The following MYZAP variants were observed in gnomAD, a reference collection of about 807,000 sequenced individuals.
MYZAP encodes the protein myocardial zonula adherens protein.
MYZAP carries 66 observed loss-of-function variants against 69.4 expected under a neutral mutation model. That is an observed-to-expected ratio of 0.95 (90% CI 0.78 to 1.17). The LOEUF (loss-of-function observed/expected upper bound fraction) is 1.17, where lower values mean the gene tolerates loss of function less well. Ranked by LOEUF, MYZAP falls within the 50% of genes most tolerant of loss-of-function variation. The probability of loss-of-function intolerance (pLI) is 0.00; values close to 1 mark genes in which losing one functional copy is unlikely to be tolerated. For synonymous variants in MYZAP, 256 were observed against 205.9 expected (o/e 1.24, Z -2.09); for missense variants, 611 against 556.2 (o/e 1.10, Z -0.99).
intron 2 of MYZAP, among the ~76,000 whole-genome samples, chr15:57,611,019 A>G (rs969711345): frequency 6.6e-6 from 1 of 152,166 alleles, no homozygotes; most frequent in Non-Finnish European, 1.5e-5. Context: ...TCAGATAGAC[A>G]TGTAGAGTTG....
intron 11 of MYZAP, among the ~76,000 whole-genome samples, chr15:57,664,159 C>G (rs756009428): frequency 6.6e-6 from 1 of 151,358 alleles, no homozygotes; most frequent in Non-Finnish European, 1.5e-5. Flanking sequence ...ACCTTTCAGA[C>G]AGGTGCAGTC....
chr15:57,597,745 A>G (rs1305034324), intron 1 of MYZAP, among the ~76,000 whole-genome samples: 2 of 152,216 alleles, frequency 1.3e-5, no homozygotes, highest in Non-Finnish European at 2.9e-5. Flanking sequence ...CTCTACAGAA[A>G]AAGTTCGCCC....
At chr15:57,619,684 C>T (rs902731278) in intron 3 of MYZAP, among the ~76,000 whole-genome samples, 2 of 152,184 alleles carry the variant, frequency 1.3e-5, no homozygotes, top group African/African-American at 4.8e-5. Flanking sequence ...TCAGAATATT[C>T]AATTCCTGAA....
rs1310439300 is a variant in MYZAP at position 57,681,000 on chromosome 15, C to G, written c.1305-3402C>G. Among the ~76,000 whole-genome samples, 8 of 152,170 alleles carry G rather than the reference C, an allele frequency of 5.3e-5. No homozygotes were observed. In the East Asian group the frequency reaches 1.5e-3, roughly 29 times the overall value. ...TTTTGTGGTTGAGGTTATTTGTGTT[C>G]TTGAAATCCTGTTGTTTCCTAGTGA... is the stretch of plus-strand genomic sequence containing the variant. On this transcript the variant is annotated intron_variant, in intron 12 of 12. Coordinates refer to ENST00000267853, the MANE Select transcript of MYZAP (RefSeq NM_001018100.5).
chr15:57,670,725 A>G (rs897410781), intron 11 of MYZAP, among the ~76,000 whole-genome samples: 11 of 152,126 alleles, frequency 7.2e-5, no homozygotes, highest in South Asian at 2.1e-4. Flanking sequence ...TTTTAAAAAT[A>G]CCATTTTAAG....
At chr15:57,594,678 C>T (rs188620455) in intron 1 of MYZAP, among the ~76,000 whole-genome samples, 317 of 152,208 alleles carry the variant, frequency 2.1e-3, no homozygotes, top group Middle Eastern at 0.017. Context: ...GATTACGCAA[C>T]GACAAAAATC....
chr15:57,626,328 T>C (rs576547926), intron 5 of MYZAP, among the ~76,000 whole-genome samples: 25 of 152,336 alleles, frequency 1.6e-4, no homozygotes, highest in African/African-American at 5.3e-4. Flanking sequence ...TAAACACTTT[T>C]TTATAATTAG....
intron 4 of MYZAP, among the ~76,000 whole-genome samples, chr15:57,624,485 C>T (rs1420292191): frequency 6.6e-6 from 1 of 152,196 alleles, no homozygotes; most frequent in Non-Finnish European, 1.5e-5. Context: ...CATATCTACC[C>T]AGCCCATTCC....
intron 10 of MYZAP, among the ~76,000 whole-genome samples, chr15:57,649,341 C>T (rs1395101539): frequency 3.3e-5 from 5 of 152,172 alleles, no homozygotes; most frequent in South Asian, 2.1e-4. Flanking sequence ...GCAGATTTTC[C>T]AAATGCTCAT....
chr15:57,670,821 C>G (rs1158326184), intron 11 of MYZAP, among the ~76,000 whole-genome samples: 1 of 151,862 alleles, frequency 6.6e-6, no homozygotes, highest in African/African-American at 2.4e-5. Context: ...ATTAGCTGTT[C>G]ACTGTGCACC....
At chr15:57,665,487 C>G (rs1165881497) in intron 11 of MYZAP, among the ~76,000 whole-genome samples, 2 of 152,242 alleles carry the variant, frequency 1.3e-5, no homozygotes, top group African/African-American at 4.8e-5. Context: ...CTGTGCTCCT[C>G]TTAGCCACAG....
In MYZAP at chr15:57,683,528, C is replaced by A. The variant is rs1432989350; in HGVS notation, c.1305-874C>A. Reference sequence around the variant, plus strand: ...TTCATATTTTTCTGAACCATGGATGCCTAGTACAACCTTTACAGGTTGTTA... The same window carrying A: ...TTCATATTTTTCTGAACCATGGATGACTAGTACAACCTTTACAGGTTGTTA... On this transcript the variant is annotated intron_variant, in intron 12 of 12. Transcript: ENST00000267853. 2.6e-5 allele frequency among the ~76,000 whole-genome samples: 4 copies of A among 152,118 alleles called. No homozygotes were observed. The East Asian group carries it at 7.7e-4, about 29-fold the overall frequency.
chr15:57,629,672 C>G (rs2036378717), intron 5 of MYZAP, 30 bp from the exon 6 acceptor site: 1 of 1,601,598 alleles, frequency 6.2e-7, no homozygotes, highest in Non-Finnish European at 8.5e-7. Flanking sequence ...GCCACCGGAT[C>G]TGGTTTTGTT....
At chr15:57,604,217 T>TA in intron 1 of MYZAP, 52 bp from the exon 2 acceptor site, 1 of 1,597,200 alleles carries the variant, frequency 6.3e-7, no homozygotes, top group Non-Finnish European at 8.6e-7. Flanking sequence ...ATCTGGCTCT[T>TA]TCTGCCCCAA....
intron 4 of MYZAP, among the ~76,000 whole-genome samples, chr15:57,624,923 G>A (rs1201187838): frequency 6.6e-6 from 1 of 152,130 alleles, no homozygotes; most frequent in Non-Finnish European, 1.5e-5. Context: ...CACATGGGGG[G>A]CCTTCCACCC....
intron 2 of MYZAP, among the ~76,000 whole-genome samples, chr15:57,609,214 A>G (rs2034952668): frequency 6.6e-6 from 1 of 152,206 alleles, no homozygotes; most frequent in African/African-American, 2.4e-5. Context: ...TGCTTAATGA[A>G]TGCTTATTGA....
chr15:57,639,415 T>G, intron 9 of MYZAP, 25 bp from the exon 10 acceptor site: 1 of 1,613,084 alleles, frequency 6.2e-7, no homozygotes, highest in Non-Finnish European at 8.5e-7. Context: ...AGGACTCATT[T>G]GCTTTTTTCT....
chr15:57,616,243 G>A (rs1186148167), intron 2 of MYZAP, among the ~76,000 whole-genome samples: 1 of 152,230 alleles, frequency 6.6e-6, no homozygotes, highest in Non-Finnish European at 1.5e-5. Flanking sequence ...GGCCAGGCAA[G>A]GTGGCTCATG....
chr15:57,640,230 A>G (rs1044097409), intron 10 of MYZAP, among the ~76,000 whole-genome samples: 2 of 152,222 alleles, frequency 1.3e-5, no homozygotes, highest in African/African-American at 2.4e-5. Flanking sequence ...ACTTGTGTCA[A>G]TATAATCCGC....
Sources: gnomAD v4.1 joint callset for allele counts (sites outside exome capture counted in the v4.1 genomes callset) on GRCh38, gnomAD v4.1.1 for gene constraint, MANE v1.5 for transcripts, NCBI Gene and HGNC (gene_info 2026-07-23, HGNC 2026-07-21) for gene names.